The following LIMS1 variants were observed in gnomAD, a reference collection of about 807,000 sequenced individuals.
LIMS1 encodes LIM and senescent cell antigen-like-containing domain protein 1.
A neutral mutation model predicts 44.1 loss-of-function variants in LIMS1; 18 were observed. That is an observed-to-expected ratio of 0.41 (90% CI 0.28 to 0.61). LIMS1 has a LOEUF of 0.61. Ranked by LOEUF, LIMS1 falls within the 20% of genes least tolerant of loss-of-function variation. The probability of loss-of-function intolerance (pLI) is 0.32; values close to 1 mark genes in which losing one functional copy is unlikely to be tolerated. For missense variants in LIMS1, 201 were observed against 422.0 expected (o/e 0.48, Z 4.59); for synonymous variants, 93 against 149.1 (o/e 0.62, Z 2.74).
intron 1 of LIMS1, among the ~76,000 whole-genome samples, chr2:108,561,473 G>T (rs1685108475): frequency 6.6e-6 from 1 of 151,896 alleles, no homozygotes. Context: ...TGCAGTGTAT[G>T]TGTGTGTGTG....
chr2:108,616,890 G>A (rs964926360), intron 1 of LIMS1, among the ~76,000 whole-genome samples: 1 of 152,270 alleles, frequency 6.6e-6, no homozygotes. Context: ...ATGTGTGTTG[G>A]ACATAGTATG....
chr2:108,577,952 C>T (rs760829313), intron 1 of LIMS1, among the ~76,000 whole-genome samples: 11 of 152,242 alleles, frequency 7.2e-5, no homozygotes, highest in African/African-American at 2.2e-4. Context: ...TTCTGTCGCC[C>T]GATCTAGAGT....
intron 1 of LIMS1, among the ~76,000 whole-genome samples, chr2:108,580,033 G>A (rs2104652527): frequency 6.6e-6 from 1 of 152,312 alleles, no homozygotes; most frequent in South Asian, 2.1e-4. Context: ...GTTTTTACTG[G>A]CACTGTAGTT....
chr2:108,558,467 C>T (rs966350876), intron 1 of LIMS1, among the ~76,000 whole-genome samples: 3 of 151,884 alleles, frequency 2.0e-5, no homozygotes, highest in African/African-American at 7.3e-5. Flanking sequence ...CCTCAGCCTC[C>T]CAAAGTGCTG....
chr2:108,679,688 A>T (rs1692817857), intron 8 of LIMS1, among the ~76,000 whole-genome samples: 1 of 151,854 alleles, frequency 6.6e-6, no homozygotes. Flanking sequence ...AGGCCGAGAC[A>T]GGAGAATTTC....
chr2:108,566,185 A>G (rs1338153899), intron 1 of LIMS1, among the ~76,000 whole-genome samples: 1 of 152,132 alleles, frequency 6.6e-6, no homozygotes, highest in Admixed American at 6.5e-5. Context: ...TCATCAGCAA[A>G]GTGGGGATTA....
At chr2:108,679,550 G>A (rs1270814889) in intron 8 of LIMS1, among the ~76,000 whole-genome samples, 1 of 152,110 alleles carries the variant, frequency 6.6e-6, no homozygotes, top group South Asian at 2.1e-4. Context: ...AGGGACTTGA[G>A]CGTCTGAGAT....
At chr2:108,584,791 G>A (rs1384924090) in intron 1 of LIMS1, among the ~76,000 whole-genome samples, 1 of 152,084 alleles carries the variant, frequency 6.6e-6, no homozygotes, top group African/African-American at 2.4e-5. Flanking sequence ...GTATGTGTAT[G>A]TCCCTCTTAG....
intron 1 of LIMS1, among the ~76,000 whole-genome samples, chr2:108,539,381 A>G (rs1290079595): frequency 1.3e-5 from 2 of 152,160 alleles, no homozygotes; most frequent in Non-Finnish European, 2.9e-5. Context: ...CACTGCACCC[A>G]GCTACCAGAG....
intron 1 of LIMS1, chr2:108,588,439 G>A (rs1451539960): frequency 2.8e-5 from 28 of 985,386 alleles, no homozygotes; most frequent in Non-Finnish European, 3.4e-5. Context: ...AGTTAAATAA[G>A]AGTAGGAGCC....
chr2:108,569,681 G>A (rs1685415145), intron 1 of LIMS1, among the ~76,000 whole-genome samples: 2 of 150,324 alleles, frequency 1.3e-5, no homozygotes, highest in Non-Finnish European at 3.0e-5. Flanking sequence ...ACTATGGCAT[G>A]AACACCTAGG....
chr2:108,599,717 T>C (rs1558803386), intron 1 of LIMS1, among the ~76,000 whole-genome samples: 1 of 152,180 alleles, frequency 6.6e-6, no homozygotes, highest in Non-Finnish European at 1.5e-5. Context: ...TTATAAGCCA[T>C]TTTAACTGGG....
chr2:108,574,084 G>A (rs1209634755), intron 1 of LIMS1, among the ~76,000 whole-genome samples: 1 of 152,114 alleles, frequency 6.6e-6, no homozygotes, highest in Non-Finnish European at 1.5e-5. Flanking sequence ...GAATGGGAAG[G>A]TGGAATTTAT....
chr2:108,578,440 T>C (rs1391047584), intron 1 of LIMS1, among the ~76,000 whole-genome samples: 22 of 152,156 alleles, frequency 1.4e-4, no homozygotes, highest in Admixed American at 6.6e-5. Flanking sequence ...ATCTCCACCA[T>C]ATGAAATAAG....
intron 1 of LIMS1, among the ~76,000 whole-genome samples, chr2:108,654,034 GT>G (rs199819793): frequency 0.43 from 63,637 of 148,254 alleles, 15,171 homozygotes; most frequent in East Asian, 0.95. Context: ...ATGACTTTGA[GT>G]TTGTGTCTGT....
intron 2 of LIMS1, among the ~76,000 whole-genome samples, chr2:108,663,413 C>T (rs934703351): frequency 2.0e-5 from 3 of 152,328 alleles, no homozygotes; most frequent in Non-Finnish European, 4.4e-5. Flanking sequence ...GGCCCTAACG[C>T]TAACTATAGT....
At chr2:108,673,160 G>C in intron 5 of LIMS1, 131 bp downstream of exon 5, 1 of 1,348,566 alleles carries the variant, frequency 7.4e-7, no homozygotes, top group Non-Finnish European at 1.0e-6. Context: ...TAAACCTATA[G>C]ACGAGTCAAG....
At position 108,652,245 on chromosome 2, in the gene LIMS1, A is replaced by C. The variant is rs1346545323; in HGVS notation, c.33-7360A>C. On this transcript the variant is annotated intron_variant, in intron 1 of 9. Transcript: ENST00000544547. ...GAAATAAAAATATATTCAATACAGAAATTTCTATAGTTTCATTCACAGTGC... is the reference window on the plus strand; with the variant it reads ...GAAATAAAAATATATTCAATACAGACATTTCTATAGTTTCATTCACAGTGC... Among the ~76,000 whole-genome samples, 57 of 151,814 alleles carry C rather than the reference A, an allele frequency of 3.8e-4. No individual in the cohort carries two copies. In the East Asian group the frequency reaches 7.2e-3, roughly 19 times the overall value.
At chr2:108,543,870 C>T (rs1031341962) in intron 1 of LIMS1, among the ~76,000 whole-genome samples, 1 of 152,082 alleles carries the variant, frequency 6.6e-6, no homozygotes. Flanking sequence ...ATCTGCATCT[C>T]GTTATTGGGC....
Sources: allele counts gnomAD v4.1 joint callset (sites outside exome capture counted in the v4.1 genomes callset), GRCh38; gene constraint gnomAD v4.1.1; transcripts MANE v1.5; gene names NCBI Gene and HGNC (gene_info 2026-07-23, HGNC 2026-07-21).